The following PLGLB1 variants were observed in gnomAD, a reference collection of about 807,000 sequenced individuals.
PLGLB1 encodes the protein plasminogen-like protein B.
rs1224876232 is a variant in PLGLB1 at position 87,010,927 on chromosome 2, G to T, written c.*2194C>A. Among the ~76,000 whole-genome samples, 2 of 97,930 alleles carry T rather than the reference G, an allele frequency of 2.0e-5. No individual in the cohort carries two copies. The highest frequency in any genetic ancestry group is 5.4e-5 in the African/African-American group (1 of 18,662). 64.2% of individuals were successfully genotyped at this position (97,930 alleles called of 152,430 possible). Reference sequence around the variant, plus strand: ...GTCTCAGAAAAAAAAAAAAAATCAGGTTAATTCTGGGATCTGAGCAAAGTT... The same window carrying T: ...GTCTCAGAAAAAAAAAAAAAATCAGTTTAATTCTGGGATCTGAGCAAAGTT... On this transcript the variant is annotated 3_prime_UTR_variant, in exon 4 of 4. Coordinates refer to ENST00000355705, the MANE Select transcript of PLGLB1 (RefSeq NM_001032392.4).
At chr2:87,019,578 AAC>A (rs1242665864) in intron 1 of PLGLB1, among the ~76,000 whole-genome samples, 1 of 99,424 alleles carries the variant, frequency 1.0e-5, no homozygotes, top group African/African-American at 5.5e-5. Context: ...GTGACTTCAA[AAC>A]ACACAATAAA....
chr2:87,021,253 G>A (rs914037596), intron 1 of PLGLB1, among the ~76,000 whole-genome samples: 2 of 74,474 alleles, frequency 2.7e-5, no homozygotes, highest in African/African-American at 1.0e-4. Context: ...CCTTCCTCAG[G>A]CCATAACAAA....
In PLGLB1 at chr2:87,011,179, C is replaced by T; in HGVS notation, c.*1942G>A. On this transcript the variant is annotated 3_prime_UTR_variant, in exon 4 of 4. Coordinates refer to ENST00000355705, the MANE Select transcript of PLGLB1 (RefSeq NM_001032392.4). Reference sequence around the variant, plus strand: ...ATCGTTGTCTGGATTCCTCCAGTCCCTCTGAGGGGTGTGTAGCAGGTGAGA... The same window carrying T: ...ATCGTTGTCTGGATTCCTCCAGTCCTTCTGAGGGGTGTGTAGCAGGTGAGA... 5.5e-6 allele frequency: 2 copies of T among 362,970 alleles called. No individual in the cohort carries two copies. The highest frequency in any genetic ancestry group is 4.9e-5 in the South Asian group (2 of 41,192). The allele number at this position is 362,970 out of a possible 1,614,324, so 22.5% of individuals were successfully genotyped here. A position where few individuals can be genotyped will look rare whatever the true frequency, so the allele number is the denominator to read the frequency against.
intron 2 of PLGLB1, among the ~76,000 whole-genome samples, chr2:87,017,239 A>G (rs1387668775): frequency 6.4e-5 from 8 of 125,834 alleles, no homozygotes; most frequent in Middle Eastern, 4.5e-3. Context: ...TATCTAGGAC[A>G]CTTTCATTCA....
intron 1 of PLGLB1, among the ~76,000 whole-genome samples, chr2:87,020,804 TAAAAAA>T (rs888358563): frequency 1.9e-4 from 28 of 145,500 alleles, no homozygotes; most frequent in Non-Finnish European, 4.0e-4. Context: ...AGCTTTTTTT[TAAAAAA>T]AGAAAAAGAA....
rs1682381518 is a variant in PLGLB1 at position 87,019,238 on chromosome 2, C to T, written c.50-1550G>A. ...TCATTCTCAGAAAGGCCCGTCCTGA[C>T]CTCCTGAGGGTACACAGAGCACAGG... On this transcript the variant is annotated intron_variant, in intron 1 of 3. Transcript: ENST00000355705. Among the ~76,000 whole-genome samples, 3 of 85,532 alleles carry T rather than the reference C, an allele frequency of 3.5e-5. No homozygotes were observed. In the South Asian group the frequency reaches 1.2e-3, roughly 35 times the overall value. 56.1% of individuals were successfully genotyped at this position (85,532 alleles called of 152,430 possible).
intron 1 of PLGLB1, among the ~76,000 whole-genome samples, chr2:87,020,727 T>C (rs1682401956): frequency 1.4e-5 from 2 of 142,120 alleles, no homozygotes; most frequent in South Asian, 2.2e-4. Flanking sequence ...CAACTCTCAA[T>C]ATATTGAAAT....
chr2:87,019,124 G>T (rs901187639), intron 1 of PLGLB1, among the ~76,000 whole-genome samples: 10 of 109,716 alleles, frequency 9.1e-5, no homozygotes, highest in Non-Finnish European at 1.8e-4. Flanking sequence ...GATGCGGTCA[G>T]GGGAGGTTCT....
chr2:87,017,110 C>G lies in PLGLB1; in HGVS notation c.185+443G>C, dbSNP rs530109554. On this transcript the variant is annotated intron_variant, in intron 2 of 3. Coordinates refer to ENST00000355705, the MANE Select transcript of PLGLB1 (RefSeq NM_001032392.4). ...TTCTTCTGGATCTGGGTAGAACATG[C>G]ATTGATTATGCCTGTAGCTCACTTA... Among the ~76,000 whole-genome samples, 5 of 146,496 alleles carry G rather than the reference C, an allele frequency of 3.4e-5. No individual in the cohort carries two copies. The South Asian group carries it at 8.8e-4, about 26-fold the overall frequency.
intron 3 of PLGLB1, chr2:87,013,559 G>T (rs983515729): frequency 1.1e-5 from 1 of 90,482 alleles, no homozygotes; most frequent in African/African-American, 5.0e-5. Context: ...GGAATGGCAG[G>T]CTTTTCCGAG....
At chr2:87,013,547 G>T (rs1682275546) in intron 3 of PLGLB1, 1 of 98,696 alleles carries the variant, frequency 1.0e-5, no homozygotes, top group Non-Finnish European at 2.0e-5. Flanking sequence ...TTTTTAGATG[G>T]GGGAATGGCA....
At position 87,019,847 on chromosome 2, in the gene PLGLB1, A is replaced by AT. The variant is rs1364531464; in HGVS notation, c.49+1887dup. On this transcript the variant is annotated intron_variant, in intron 1 of 3. Coordinates refer to ENST00000355705, the MANE Select transcript of PLGLB1 (RefSeq NM_001032392.4). ...TTTTAATTTGAAATAATTTTCCCCCATTTTTTTTTTCTCTTATTCACCTCT... is the reference window on the plus strand; with the variant it reads ...TTTTAATTTGAAATAATTTTCCCCCATTTTTTTTTTTCTCTTATTCACCTCT... 2.3e-3 allele frequency among the ~76,000 whole-genome samples: 197 copies of AT among 85,674 alleles called. 43 individuals carry two copies. The highest frequency in any genetic ancestry group is 5.8e-3 in the South Asian group (13 of 2,260). The allele number at this position is 85,674 out of a possible 152,430, so 56.2% of individuals were successfully genotyped here.
rs796170692 is a variant in PLGLB1 at position 87,019,423 on chromosome 2, A to G, written c.50-1735T>C. On this transcript the variant is annotated intron_variant, in intron 1 of 3. Transcript: ENST00000355705. ...TGATGCATTCTAAACCTAATCCACT[A>G]AAAAGCACTTGAGAGATGTATCAAA... Among the ~76,000 whole-genome samples, 376 of 137,214 alleles carry G rather than the reference A, an allele frequency of 2.7e-3. 2 individuals are homozygous for G. Among genetic ancestry groups the G allele is most frequent in the African/African-American group, 8.8e-3 (284 of 32,406 alleles). 90.0% of individuals were successfully genotyped at this position (137,214 alleles called of 152,430 possible).
Position 87,013,052 on chromosome 2 carries a change from A to AT in PLGLB1, c.*68dup, listed in dbSNP as rs1357612371. On this transcript the variant is annotated 3_prime_UTR_variant, in exon 4 of 4. Transcript: ENST00000355705. ...AACTCCATTTTTGACAGGTGATGCC[A>AT]TTTTTTGTTTTGGACATCGTCCCTC... 9.7e-6 allele frequency: 5 copies of AT among 513,032 alleles called. No individual in the cohort carries two copies. Among genetic ancestry groups the AT allele is most frequent in the Admixed American group, 7.2e-5 (3 of 41,804 alleles). The allele number at this position is 513,032 out of a possible 1,614,324, so 31.8% of individuals were successfully genotyped here. A position where few individuals can be genotyped will look rare whatever the true frequency, so the allele number is the denominator to read the frequency against.
intron 3 of PLGLB1, chr2:87,013,504 A>T (rs532457704): frequency 8.0e-6 from 1 of 124,530 alleles, no homozygotes; most frequent in Admixed American, 7.8e-5. Flanking sequence ...TGTTACATAC[A>T]TGATGAGACA....
At chr2:87,018,492 C>A (rs78999718) in intron 1 of PLGLB1, 6 of 111,702 alleles carry the variant, frequency 5.4e-5, no homozygotes, top group Admixed American at 8.1e-5. Flanking sequence ...TATGTTGCCA[C>A]CTTGGACAAA....
At chr2:87,020,806 AAAAAAG>A (rs1239602663) in intron 1 of PLGLB1, among the ~76,000 whole-genome samples, 4 of 146,840 alleles carry the variant, frequency 2.7e-5, no homozygotes, top group Non-Finnish European at 2.9e-5. Flanking sequence ...CTTTTTTTTA[AAAAAAG>A]AAAAAGAAAA....
At chr2:87,019,845 C>A (rs1682392833) in intron 1 of PLGLB1, among the ~76,000 whole-genome samples, 1 of 93,716 alleles carries the variant, frequency 1.1e-5, no homozygotes, top group Non-Finnish European at 1.9e-5. Context: ...TAATTTTCCC[C>A]CATTTTTTTT....
chr2:87,014,141 G>GT (rs1328189184), intron 3 of PLGLB1, among the ~76,000 whole-genome samples: 1 of 43,978 alleles, frequency 2.3e-5, no homozygotes, highest in African/African-American at 6.3e-5. Context: ...AATAAGGAAA[G>GT]TAATTATTGT....
Sources: allele counts gnomAD v4.1 joint callset (sites outside exome capture counted in the v4.1 genomes callset), GRCh38; gene constraint gnomAD v4.1.1; transcripts MANE v1.5; gene names NCBI Gene and HGNC (gene_info 2026-07-23, HGNC 2026-07-21).